The following ADGRB3 variants were observed in gnomAD, a reference collection of about 807,000 sequenced individuals.
ADGRB3 encodes adhesion G protein-coupled receptor B3.
In ADGRB3, 37 loss-of-function variants were observed where a neutral mutation model predicts 193.4. The observed-to-expected ratio is 0.19, with a 90% CI of 0.15 to 0.25. ADGRB3 has a LOEUF of 0.25. ADGRB3 is among the 10% of genes least tolerant of loss of function. ADGRB3 has a pLI of 1.00. For missense variants in ADGRB3, 1,637 were observed against 1,852.9 expected, an observed-to-expected ratio of 0.88 and a Z score of 2.14; for synonymous variants, 690 against 644.2, an observed-to-expected ratio of 1.07 and a Z score of -1.08.
At chr6:69,358,706 A>G (rs1441747275) in intron 28 of ADGRB3, among the ~76,000 whole-genome samples, 1 of 151,708 alleles carries the variant, frequency 6.6e-6, no homozygotes, top group African/African-American at 2.4e-5. Flanking sequence ...GTTGCTTTAT[A>G]TTTTGTTTGA....
chr6:69,178,410 C>T (rs535093957), intron 17 of ADGRB3, among the ~76,000 whole-genome samples: 6 of 152,190 alleles, frequency 3.9e-5, no homozygotes, highest in Admixed American at 3.3e-4. Flanking sequence ...ATTTTTTAAT[C>T]CAACTTGCCA....
chr6:69,254,685 G>T (rs1366617550), intron 20 of ADGRB3, among the ~76,000 whole-genome samples: 1 of 150,914 alleles, frequency 6.6e-6, no homozygotes, highest in Non-Finnish European at 1.5e-5. Context: ...TTTAAAAAAT[G>T]CCTTTGTATT....
intron 26 of ADGRB3, among the ~76,000 whole-genome samples, chr6:69,343,940 C>T (rs1769032763): frequency 6.6e-6 from 1 of 152,106 alleles, no homozygotes; most frequent in African/African-American, 2.4e-5. Flanking sequence ...ATTTACTATT[C>T]CCCGCATTGC....
intron 3 of ADGRB3, among the ~76,000 whole-genome samples, chr6:68,719,414 C>T (rs1431117130): frequency 1.3e-5 from 2 of 151,698 alleles, no homozygotes; most frequent in African/African-American, 2.4e-5. Context: ...TAGTGACCAC[C>T]ATATTGGACA....
At chr6:69,206,078 T>TAC (rs1554169623) in intron 17 of ADGRB3, among the ~76,000 whole-genome samples, 19 of 139,794 alleles carry the variant, frequency 1.4e-4, no homozygotes, top group African/African-American at 4.8e-4. Flanking sequence ...TATATATATA[T>TAC]GAGTTTATTA....
At chr6:68,686,123 C>A (rs1352266133) in intron 3 of ADGRB3, among the ~76,000 whole-genome samples, 3 of 152,166 alleles carry the variant, frequency 2.0e-5, no homozygotes, top group Non-Finnish European at 4.4e-5. Flanking sequence ...GTAAGGTGGA[C>A]ACCTGAAGAT....
At chr6:69,138,701 A>G (rs1300696479) in intron 17 of ADGRB3, among the ~76,000 whole-genome samples, 1 of 152,148 alleles carries the variant, frequency 6.6e-6, no homozygotes, top group Non-Finnish European at 1.5e-5. Flanking sequence ...GAGATTTACA[A>G]TATTAAGTTT....
chr6:69,244,404 C>A (rs781485093), intron 20 of ADGRB3, among the ~76,000 whole-genome samples: 8 of 151,996 alleles, frequency 5.3e-5, no homozygotes, highest in Non-Finnish European at 8.8e-5. Flanking sequence ...AATTGGAATA[C>A]CTTAACTTGG....
chr6:69,298,475 TAA>T (rs1241675963), intron 20 of ADGRB3, among the ~76,000 whole-genome samples: 2 of 152,058 alleles, frequency 1.3e-5, no homozygotes, highest in African/African-American at 4.8e-5. Context: ...TACTGAACAC[TAA>T]ATCTTCTTCC....
At chr6:69,240,433 TAAAGAAAGAATCCG>T (rs1447365931) in intron 20 of ADGRB3, among the ~76,000 whole-genome samples, 1 of 151,938 alleles carries the variant, frequency 6.6e-6, no homozygotes, top group Non-Finnish European at 1.5e-5. Context: ...CTTTTCTTCT[TAAAGAAAGAATCCG>T]AAAGAAAGTA....
intron 17 of ADGRB3, among the ~76,000 whole-genome samples, chr6:69,191,403 C>A (rs541933438): frequency 3.3e-4 from 50 of 152,116 alleles, no homozygotes; most frequent in Non-Finnish European, 6.0e-4. Context: ...ACAGTAGTTT[C>A]ATTGGTTCTT....
chr6:68,750,671 C>T (rs1766180869), intron 3 of ADGRB3, among the ~76,000 whole-genome samples: 3 of 152,122 alleles, frequency 2.0e-5, no homozygotes, highest in South Asian at 4.2e-4. Context: ...TGAGCTCTTT[C>T]GCTGTGTGTT....
intron 3 of ADGRB3, among the ~76,000 whole-genome samples, chr6:68,851,008 A>T (rs1768387817): frequency 6.6e-6 from 1 of 151,996 alleles, no homozygotes; most frequent in Admixed American, 6.6e-5. Flanking sequence ...ATATGAAATA[A>T]TTGTGAGTAA....
chr6:68,866,900 G>T (rs1765311352), intron 3 of ADGRB3, among the ~76,000 whole-genome samples: 1 of 152,170 alleles, frequency 6.6e-6, no homozygotes, highest in Non-Finnish European at 1.5e-5. Flanking sequence ...TAATATGGCT[G>T]CTCCTAATAG....
intron 20 of ADGRB3, among the ~76,000 whole-genome samples, chr6:69,318,787 A>G (rs1345724300): frequency 1.3e-5 from 2 of 150,890 alleles, no homozygotes; most frequent in Admixed American, 6.6e-5. Context: ...CTCATAATTT[A>G]TGTTTTACTA....
At chr6:69,279,793 A>C (rs1767395026) in intron 20 of ADGRB3, among the ~76,000 whole-genome samples, 1 of 152,086 alleles carries the variant, frequency 6.6e-6, no homozygotes, top group African/African-American at 2.4e-5. Context: ...GGAGGGAGAT[A>C]CTGGGAGGAC....
chr6:68,981,023 T>G (rs71555397), intron 10 of ADGRB3, among the ~76,000 whole-genome samples: 10,860 of 151,602 alleles, frequency 0.072, 689 homozygotes, highest in African/African-American at 0.12. Context: ...TTTGCATCCA[T>G]ATACATGTAT....
intron 17 of ADGRB3, among the ~76,000 whole-genome samples, chr6:69,201,204 C>T (rs1377934495): frequency 6.6e-6 from 1 of 152,012 alleles, no homozygotes; most frequent in Non-Finnish European, 1.5e-5. Context: ...CCTTGTTACT[C>T]TTGAGCTAAC....
intron 17 of ADGRB3, among the ~76,000 whole-genome samples, chr6:69,104,144 T>A (rs1773144030): frequency 6.6e-6 from 1 of 151,416 alleles, no homozygotes; most frequent in African/African-American, 2.4e-5. Flanking sequence ...CACTAACTTG[T>A]CATCTAGCAT....
Sources: gnomAD v4.1 joint callset for allele counts (sites outside exome capture counted in the v4.1 genomes callset) on GRCh38, gnomAD v4.1.1 for gene constraint, MANE v1.5 for transcripts, NCBI Gene and HGNC (gene_info 2026-07-23, HGNC 2026-07-21) for gene names.